The following DENND5A variants were observed in gnomAD, a reference collection of about 807,000 sequenced individuals.
DENND5A encodes the protein DENN domain containing 5A, also known as DENN domain-containing protein 5A.
In DENND5A, 64 loss-of-function variants were observed where a neutral mutation model predicts 140.3. The observed-to-expected ratio is 0.46, with a 90% CI of 0.37 to 0.56. DENND5A has a LOEUF of 0.56. Ranked by LOEUF, DENND5A falls within the 20% of genes least tolerant of loss-of-function variation. The pLI is 0.00. For synonymous variants in DENND5A, 605 were observed against 607.7 expected (o/e 1.00, Z 0.07); for missense variants, 1,292 against 1,593.8 (o/e 0.81, Z 3.22).
chr11:9,263,548 A>G lies in DENND5A; in HGVS notation c.109+1413T>C, dbSNP rs1295146448. Reference sequence around the variant, plus strand: ...CCGCGCCCCGCCTAATTTTTTTTTCATAAGAAACACTGGGCCGGGCGCGGT... The same window carrying G: ...CCGCGCCCCGCCTAATTTTTTTTTCGTAAGAAACACTGGGCCGGGCGCGGT... On this transcript the variant is annotated intron_variant, in intron 1 of 22. Transcript: ENST00000328194. Among the ~76,000 whole-genome samples the G allele has an allele frequency of 5.4e-5, 8 of 147,542 alleles. No homozygotes were observed. The East Asian group carries it at 1.7e-3, about 31-fold the overall frequency.
intron 1 of DENND5A, among the ~76,000 whole-genome samples, chr11:9,218,943 T>C (rs1850205336): frequency 6.6e-6 from 1 of 151,672 alleles, no homozygotes; most frequent in South Asian, 2.1e-4. Flanking sequence ...GAGGTGGAGG[T>C]TGCAGTAAGC....
At chr11:9,243,063 G>A (rs1031604203) in intron 1 of DENND5A, among the ~76,000 whole-genome samples, 5 of 144,046 alleles carry the variant, frequency 3.5e-5, no homozygotes, top group African/African-American at 1.3e-4. Flanking sequence ...ACTCCAGCCT[G>A]GGCGACACAG....
intron 8 of DENND5A, among the ~76,000 whole-genome samples, chr11:9,176,238 G>T (rs1215480484): frequency 6.6e-6 from 1 of 152,236 alleles, no homozygotes; most frequent in Non-Finnish European, 1.5e-5. Flanking sequence ...ACTGTCAGCA[G>T]TTATATCTTC....
At chr11:9,191,771 T>C (rs919237849) in intron 5 of DENND5A, among the ~76,000 whole-genome samples, 2 of 152,270 alleles carry the variant, frequency 1.3e-5, no homozygotes. Context: ...TATTAAAGTA[T>C]GCACATAGCT....
At chr11:9,261,140 T>G (rs887504237) in intron 1 of DENND5A, among the ~76,000 whole-genome samples, 1 of 152,178 alleles carries the variant, frequency 6.6e-6, no homozygotes, top group East Asian at 1.9e-4. Context: ...TGTGAGCTAC[T>G]GCGCCCAGCC....
chr11:9,156,870 TGGAAGGAAGGAA>T (rs3074636), intron 12 of DENND5A, among the ~76,000 whole-genome samples: 2,465 of 142,650 alleles, frequency 0.017, 53 homozygotes, highest in African/African-American at 0.045. Context: ...GAAGGATGGA[TGGAAGGAAGGAA>T]GGAAGGAAGG....
intron 13 of DENND5A, 22 bp from the exon 14 acceptor site, chr11:9,150,786 T>G (rs1192126909): frequency 6.5e-7 from 1 of 1,540,230 alleles, no homozygotes; most frequent in Non-Finnish European, 9.0e-7. Context: ...AAGTTGGTCA[T>G]GTCCAAAGAG....
intron 1 of DENND5A, among the ~76,000 whole-genome samples, chr11:9,230,536 C>A (rs1431953499): frequency 6.6e-6 from 1 of 152,052 alleles, no homozygotes; most frequent in Non-Finnish European, 1.5e-5. Context: ...CCACACCCAG[C>A]CTCTTATGCT....
At position 9,253,243 on chromosome 11, in the gene DENND5A, G is replaced by C. The variant is rs148990811; in HGVS notation, c.109+11718C>G. On this transcript the variant is annotated intron_variant, in intron 1 of 22. Transcript: ENST00000328194. ...TATAAAAGGATGTAGGACTGGAAAGGGGTGTTACCAAAGGAGGCTTTAGGC... is the reference window on the plus strand; with the variant it reads ...TATAAAAGGATGTAGGACTGGAAAGCGGTGTTACCAAAGGAGGCTTTAGGC... 5.3e-5 allele frequency among the ~76,000 whole-genome samples: 8 copies of C among 152,234 alleles called. No homozygotes were observed. The East Asian group carries it at 1.5e-3, about 29-fold the overall frequency.
chr11:9,221,744 TTTGTTG>T (rs71062815), intron 1 of DENND5A, among the ~76,000 whole-genome samples: 7 of 151,418 alleles, frequency 4.6e-5, no homozygotes, highest in African/African-American at 1.5e-4. Flanking sequence ...AATTGAGAAT[TTTGTTG>T]TTGTTGTTGT....
chr11:9,218,602 T>C (rs944759334), intron 1 of DENND5A, among the ~76,000 whole-genome samples: 3 of 152,032 alleles, frequency 2.0e-5, no homozygotes, highest in African/African-American at 7.2e-5. Flanking sequence ...AGTGTGCCTG[T>C]AGTAGGCTGA....
At chr11:9,167,017 A>T (rs1211395763) in intron 10 of DENND5A, among the ~76,000 whole-genome samples, 1 of 152,132 alleles carries the variant, frequency 6.6e-6, no homozygotes, top group Non-Finnish European at 1.5e-5. Context: ...TCTATCATAA[A>T]GTATAAAATT....
intron 1 of DENND5A, among the ~76,000 whole-genome samples, chr11:9,222,731 T>C (rs143235442): frequency 6.6e-6 from 1 of 152,250 alleles, no homozygotes; most frequent in East Asian, 1.9e-4. Context: ...GAACAAACAC[T>C]AGCCATACAC....
intron 4 of DENND5A, among the ~76,000 whole-genome samples, chr11:9,194,225 C>G (rs144765365): frequency 3.3e-5 from 5 of 152,294 alleles, no homozygotes; most frequent in Admixed American, 1.3e-4. Context: ...GCAACCTTTC[C>G]TGAATGAGAA....
At chr11:9,241,774 G>A (rs571892390) in intron 1 of DENND5A, among the ~76,000 whole-genome samples, 1 of 152,232 alleles carries the variant, frequency 6.6e-6, no homozygotes, top group Non-Finnish European at 1.5e-5. Context: ...CAGCACTTTG[G>A]GAGGCCAAGG....
chr11:9,233,787 C>A (rs967575819), intron 1 of DENND5A, among the ~76,000 whole-genome samples: 6 of 152,106 alleles, frequency 3.9e-5, no homozygotes, highest in Admixed American at 1.3e-4. Flanking sequence ...CCTGCTGACA[C>A]CCTGATTTTG....
chr11:9,215,597 T>C (rs941498174), intron 1 of DENND5A, among the ~76,000 whole-genome samples: 118 of 150,792 alleles, frequency 7.8e-4, no homozygotes, highest in Non-Finnish European at 1.3e-3. Context: ...GCCCAGGCTA[T>C]AGTGCAGTGG....
intron 5 of DENND5A, among the ~76,000 whole-genome samples, chr11:9,192,132 T>G (rs538707096): frequency 6.6e-6 from 1 of 152,286 alleles, no homozygotes; most frequent in South Asian, 2.1e-4. Flanking sequence ...GAAGACATTT[T>G]GATTCTAAAA....
rs1193910068 is a variant in DENND5A, at chr11:9,265,163, G to A, written c.-94C>T. 4 of 620,256 alleles carry A rather than the reference G, an allele frequency of 6.4e-6. No individual in the cohort carries two copies. The highest frequency in any genetic ancestry group is 8.1e-6 in the Non-Finnish European group (4 of 494,606). The allele number at this position is 620,256 out of a possible 1,614,324, so 38.4% of individuals were successfully genotyped here. On this transcript the variant is annotated 5_prime_UTR_variant, in exon 1 of 23. Coordinates refer to ENST00000328194, the MANE Select transcript of DENND5A (RefSeq NM_015213.4). This position sits in a 1 kb window ranked among gnomAD's most constrained non-coding sequence, Gnocchi z 4.7. Reference sequence around the variant, plus strand: ...CGTCCGCCCTCAGGCCGCCCCTCCCGCCGCCGCCGCTACCGCGGCTCGGGC... The same window carrying A: ...CGTCCGCCCTCAGGCCGCCCCTCCCACCGCCGCCGCTACCGCGGCTCGGGC...
Sources: gnomAD v4.1 joint callset for allele counts (sites outside exome capture counted in the v4.1 genomes callset) on GRCh38, gnomAD v4.1.1 for gene constraint, Gnocchi (gnomAD v3.1) non-coding constraint, MANE v1.5 for transcripts, NCBI Gene and HGNC (gene_info 2026-07-23, HGNC 2026-07-21) for gene names.